COL23A1: variants seen among roughly 807,000 people sequenced by gnomAD.
COL23A1 encodes collagen alpha-1(XXIII) chain.
In COL23A1, 97 loss-of-function variants were observed where a neutral mutation model predicts 99.3. The ratio of observed to expected loss-of-function variants is 0.98; its 90% CI spans 0.83 to 1.16. The LOEUF (loss-of-function observed/expected upper bound fraction) is 1.16. COL23A1 is among the 50% of genes most tolerant of loss of function. The pLI is 0.00. For synonymous variants in COL23A1, 320 were observed against 308.2 expected (o/e 1.04, Z -0.40); for missense variants, 762 against 757.4 (o/e 1.01, Z -0.07).
chr5:178,546,499 A>C (rs191415352), intron 2 of COL23A1, among the ~76,000 whole-genome samples: 1 of 152,272 alleles, frequency 6.6e-6, no homozygotes, highest in Admixed American at 6.5e-5. Context: ...ATGAGGGTGC[A>C]GACCCTGCAA....
At chr5:178,316,847 T>C (rs1259300044) in intron 2 of COL23A1, among the ~76,000 whole-genome samples, 2 of 142,252 alleles carry the variant, frequency 1.4e-5, no homozygotes, top group East Asian at 3.9e-4. Flanking sequence ...GTGGACTTCT[T>C]TGCAAAAAAA....
In COL23A1 at chr5:178,349,868, AG is replaced by A. The variant is rs11395328; in HGVS notation, c.362-42950del. ...GCCCCCTGCAGTGGCCCCTGACTGGAGGGGGACCTCTGGTACCTCCCTGGGG... is the reference window on the plus strand; with the variant it reads ...GCCCCCTGCAGTGGCCCCTGACTGGAGGGGACCTCTGGTACCTCCCTGGGG... On this transcript the variant is annotated intron_variant, in intron 2 of 28. Transcript: ENST00000390654. 3.3e-5 allele frequency among the ~76,000 whole-genome samples: 5 copies of A among 151,912 alleles called. No homozygotes were observed. The South Asian group carries it at 1.0e-3, about 32-fold the overall frequency.
At chr5:178,311,854 C>T (rs1448732081) in intron 2 of COL23A1, among the ~76,000 whole-genome samples, 2 of 152,004 alleles carry the variant, frequency 1.3e-5, no homozygotes, top group Non-Finnish European at 2.9e-5. Context: ...CCTCAGCCTC[C>T]CGAGCTGCTG....
Position 178,590,329 on chromosome 5 carries a change from C to G in COL23A1, c.-132G>C. The G allele has an allele frequency of 3.8e-6, 3 of 779,464 alleles. No homozygotes were observed. Among genetic ancestry groups the G allele is most frequent in the Non-Finnish European group, 5.0e-6 (3 of 597,742 alleles). 48.3% of individuals were successfully genotyped at this position (779,464 alleles called of 1,614,324 possible). A position where few individuals can be genotyped will look rare whatever the true frequency, so the allele number is the denominator to read the frequency against. Reference sequence around the variant, plus strand: ...GCGGGGGTTAGCCTCCGGGTAGCAGCGGATCGCCGCGCACGCCCCCTTCGC... The same window carrying G: ...GCGGGGGTTAGCCTCCGGGTAGCAGGGGATCGCCGCGCACGCCCCCTTCGC... On this transcript the variant is annotated 5_prime_UTR_variant, in exon 1 of 29. Coordinates refer to ENST00000390654, the MANE Select transcript of COL23A1 (RefSeq NM_173465.4). The surrounding 1 kb of genome is among the most constrained non-coding windows in gnomAD (Gnocchi z 5.7).
At position 178,447,937 on chromosome 5, in the gene COL23A1, G is replaced by C. The variant is rs543367469; in HGVS notation, c.361+112745C>G. On this transcript the variant is annotated intron_variant, in intron 2 of 28. Transcript: ENST00000390654. ...GAGCTGATAATGATGCCTTAACTTG[G>C]AGCATGAACAGAGATTTCATGGCAT... 4.6e-5 allele frequency among the ~76,000 whole-genome samples: 7 copies of C among 152,216 alleles called. No homozygotes were observed. In the South Asian group the frequency reaches 1.5e-3, roughly 32 times the overall value.
At chr5:178,401,337 C>A (rs1310333860) in intron 2 of COL23A1, among the ~76,000 whole-genome samples, 2 of 152,198 alleles carry the variant, frequency 1.3e-5, no homozygotes, top group African/African-American at 4.8e-5. Flanking sequence ...CTGTTTGAGT[C>A]CCTGCTTTCA....
At chr5:178,455,627 C>T (rs1229901977) in intron 2 of COL23A1, among the ~76,000 whole-genome samples, 4 of 152,194 alleles carry the variant, frequency 2.6e-5, no homozygotes, top group East Asian at 1.9e-4. Context: ...GGCATGACAC[C>T]GGCCCTCCCT....
chr5:178,507,254 C>CT (rs1758925288), intron 2 of COL23A1, among the ~76,000 whole-genome samples: 1 of 152,190 alleles, frequency 6.6e-6, no homozygotes, highest in Non-Finnish European at 1.5e-5. Context: ...CTCATTGCCT[C>CT]TTACAGCCCC....
At chr5:178,243,335 A>G (rs1240200131) in intron 25 of COL23A1, among the ~76,000 whole-genome samples, 2 of 151,652 alleles carry the variant, frequency 1.3e-5, no homozygotes, top group East Asian at 1.9e-4. Flanking sequence ...TAAAATACAA[A>G]AAATTAGCCG....
chr5:178,406,773 G>A (rs1177894070), intron 2 of COL23A1, among the ~76,000 whole-genome samples: 1 of 152,148 alleles, frequency 6.6e-6, no homozygotes, highest in South Asian at 2.1e-4. Context: ...TGGGATTCAC[G>A]TGGAGAAAAC....
rs573891171 is a variant in COL23A1 at position 178,239,023 on chromosome 5, C to T, written c.1620+118G>A. The T allele has an allele frequency of 5.3e-5, 62 of 1,179,694 alleles. 1 individual carries two copies. The highest frequency in any genetic ancestry group is 2.9e-4 in the African/African-American group (19 of 66,376). The allele number at this position is 1,179,694 out of a possible 1,614,324, so 73.1% of individuals were successfully genotyped here. ...GAAACCTGGCTATTCAGTCACTGTGCGAGAAGCCGCAGACACCCAGAGGTT... is the reference window on the plus strand; with the variant it reads ...GAAACCTGGCTATTCAGTCACTGTGTGAGAAGCCGCAGACACCCAGAGGTT... On this transcript the variant is annotated intron_variant, in intron 28 of 28. Coordinates refer to ENST00000390654, the MANE Select transcript of COL23A1 (RefSeq NM_173465.4).
At chr5:178,239,083 T>TTCCCCCACCCTCCCCTCCCAG in intron 28 of COL23A1, 58 bp downstream of exon 28, 1 of 1,538,778 alleles carries the variant, frequency 6.5e-7, no homozygotes, top group Non-Finnish European at 9.0e-7. Flanking sequence ...GGCCCTCCCA[T>TTCCCCCACCCTCCCCTCCCAG]TCCCCCACCC....
chr5:178,516,162 C>T (rs1291650081), intron 2 of COL23A1, among the ~76,000 whole-genome samples: 5 of 152,208 alleles, frequency 3.3e-5, no homozygotes, highest in African/African-American at 1.2e-4. Flanking sequence ...TCTTCCCGTG[C>T]TTCAGGGCCT....
At chr5:178,247,210 C>G (rs1764748501) in intron 22 of COL23A1, among the ~76,000 whole-genome samples, 1 of 152,068 alleles carries the variant, frequency 6.6e-6, no homozygotes, top group African/African-American at 2.4e-5. Context: ...GTGCAAGGAA[C>G]TGACAGGCAC....
chr5:178,498,243 T>TATAGATATAG (rs1758323148), intron 2 of COL23A1, among the ~76,000 whole-genome samples: 1 of 59,102 alleles, frequency 1.7e-5, no homozygotes, highest in African/African-American at 1.0e-4. Flanking sequence ...TATATATATA[T>TATAGATATAG]ATATATATAT....
At chr5:178,405,118 C>T (rs1764688855) in intron 2 of COL23A1, among the ~76,000 whole-genome samples, 2 of 152,230 alleles carry the variant, frequency 1.3e-5, no homozygotes, top group South Asian at 4.1e-4. Context: ...GCACCACAGG[C>T]CACAAACACT....
chr5:178,518,326 T>C (rs890842481), intron 2 of COL23A1, among the ~76,000 whole-genome samples: 1 of 150,088 alleles, frequency 6.7e-6, no homozygotes, highest in Non-Finnish European at 1.5e-5. Flanking sequence ...ACCATCCGAT[T>C]TCTCAATCTT....
intron 13 of COL23A1, 33 bp from the exon 14 acceptor site, chr5:178,256,961 G>A (rs1270671258): frequency 1.2e-6 from 2 of 1,608,140 alleles, no homozygotes; most frequent in Admixed American, 3.4e-5. Flanking sequence ...GAGAGCAAGT[G>A]TGAGACGGCA....
intron 2 of COL23A1, among the ~76,000 whole-genome samples, chr5:178,348,256 C>A (rs539073605): frequency 3.7e-4 from 57 of 152,324 alleles, no homozygotes; most frequent in African/African-American, 1.3e-3. Flanking sequence ...TGTGTTCCCA[C>A]GCACTCGGGG....
Sources: allele counts gnomAD v4.1 joint callset (sites outside exome capture counted in the v4.1 genomes callset), GRCh38; gene constraint gnomAD v4.1.1; non-coding constraint Gnocchi (gnomAD v3.1); transcripts MANE v1.5; gene names NCBI Gene and HGNC (gene_info 2026-07-23, HGNC 2026-07-21).